The following HEPH variants were observed in gnomAD, a reference collection of about 807,000 sequenced individuals.
HEPH encodes hephaestin.
HEPH carries 69 observed loss-of-function variants against 80.8 expected under a neutral mutation model. The ratio of observed to expected loss-of-function variants is 0.85; its 90% CI spans 0.70 to 1.04. HEPH has a LOEUF of 1.04. Among genes scored for constraint, HEPH ranks in the 50% least tolerant of loss-of-function variants. The pLI is 0.00. For missense variants in HEPH, 1,115 were observed against 891.3 expected (o/e 1.25, Z -3.20); for synonymous variants, 431 against 322.8 (o/e 1.34, Z -3.60).
intron 15 of HEPH, among the ~76,000 whole-genome samples, chrX:66,245,022 C>A (rs2090748133): frequency 9.1e-6 from 1 of 110,450 alleles, no homozygotes; most frequent in Non-Finnish European, 1.9e-5. Context: ...AATAGGCCAA[C>A]TGAGGACCAA....
In HEPH at chrX:66,256,204, T is replaced by A. The variant is rs1025437887; in HGVS notation, c.2770T>A (p.Leu924Met). The A allele has an allele frequency of 3.3e-6, 4 of 1,209,741 alleles. No individual in the cohort carries two copies. The African/African-American group carries it at 7.0e-5, about 21-fold the overall frequency. ...TGACATGGATCGGGAATTTGCATTG[T>A]TGTTCTTGATTTTTGATGAAAATAA... ...RSDMDREFALLFLIFDENKSW... is the reference protein window; with the variant it reads ...RSDMDREFALMFLIFDENKSW... The change falls in exon 17 of 21, where the codon TTG (leucine) becomes ATG (methionine). Residue 924 changes from leucine to methionine, a missense_variant. By Grantham distance (15) the Leu-to-Met change is conservative. Coordinates refer to ENST00000343002, the MANE Select transcript of HEPH (RefSeq NM_001367233.3).
Position 66,170,565 on chromosome X carries a change from T to C in HEPH, c.-6T>C. On this transcript the variant is annotated 5_prime_UTR_variant, in exon 2 of 21. Transcript: ENST00000343002. ...TATTTGCCTGTTTCCCAGAGTAATGTGGGCCATGGAGTCAGGCCACCTCCT... is the reference window on the plus strand; with the variant it reads ...TATTTGCCTGTTTCCCAGAGTAATGCGGGCCATGGAGTCAGGCCACCTCCT... 1 of 1,207,610 alleles carries C rather than the reference T, an allele frequency of 8.3e-7. No homozygotes were observed. Among genetic ancestry groups the C allele is most frequent in the Non-Finnish European group, 1.1e-6 (1 of 892,915 alleles).
intron 15 of HEPH, among the ~76,000 whole-genome samples, chrX:66,232,372 G>T (rs1051748383): frequency 9.0e-6 from 1 of 111,616 alleles, no homozygotes. Flanking sequence ...CAATAATACT[G>T]CAGAAGGCAT....
intron 9 of HEPH, among the ~76,000 whole-genome samples, chrX:66,196,214 T>C: frequency 9.0e-6 from 1 of 111,484 alleles, no homozygotes; most frequent in East Asian, 2.8e-4. Context: ...AGATGCGTGC[T>C]AATATCATGA....
intron 15 of HEPH, among the ~76,000 whole-genome samples, chrX:66,231,851 G>T (rs1433842004): frequency 1.9e-5 from 2 of 107,985 alleles, no homozygotes; most frequent in South Asian, 8.2e-4. Context: ...TCCCTGTCTT[G>T]TGCCAGTTTT....
chrX:66,187,780 C>T (rs1305952534), intron 4 of HEPH, among the ~76,000 whole-genome samples: 4 of 111,520 alleles, frequency 3.6e-5, no homozygotes, highest in Non-Finnish European at 7.5e-5. Context: ...TCTGTCCATC[C>T]GAGTCTGAGC....
At chrX:66,207,589 A>G (rs7052942) in intron 14 of HEPH, among the ~76,000 whole-genome samples, 7,504 of 111,597 alleles carry the variant, frequency 0.067, 608 homozygotes, top group African/African-American at 0.23. Context: ...GGTAAGTTGT[A>G]ATAAATGCTA....
At chrX:66,243,739 G>A (rs1415499046) in intron 15 of HEPH, among the ~76,000 whole-genome samples, 1 of 112,657 alleles carries the variant, frequency 8.9e-6, no homozygotes, top group Non-Finnish European at 1.9e-5. Context: ...AGACTTGATT[G>A]TGTGCTTTCT....
intron 15 of HEPH, among the ~76,000 whole-genome samples, chrX:66,221,154 G>A (rs944996791): frequency 1.8e-5 from 2 of 111,451 alleles, no homozygotes; most frequent in Non-Finnish European, 3.8e-5. Flanking sequence ...AGGGCTTGTC[G>A]TCTTCTTCAG....
chrX:66,208,629 TAC>T (rs1223027285), intron 15 of HEPH, among the ~76,000 whole-genome samples: 6 of 40,262 alleles, frequency 1.5e-4, no homozygotes, highest in East Asian at 9.2e-4. Flanking sequence ...AATATATACA[TAC>T]ATATATATAT....
chrX:66,205,405 G>A (rs1218892376), intron 13 of HEPH, among the ~76,000 whole-genome samples: 1 of 111,509 alleles, frequency 9.0e-6, no homozygotes, highest in African/African-American at 3.3e-5. Flanking sequence ...GTACATCCAT[G>A]TTGCTGAAAA....
At chrX:66,229,768 C>CTT (rs200599195) in intron 15 of HEPH, among the ~76,000 whole-genome samples, 3 of 109,860 alleles carry the variant, frequency 2.7e-5, no homozygotes, top group African/African-American at 9.9e-5. Context: ...AAAATTTACT[C>CTT]TTTTTTTTTG....
chrX:66,174,388 G>A (rs1017973860), intron 4 of HEPH, among the ~76,000 whole-genome samples: 5 of 111,600 alleles, frequency 4.5e-5, no homozygotes, highest in African/African-American at 9.8e-5. Flanking sequence ...TATGTACCAC[G>A]GTTTCTTGAT....
At chrX:66,255,983 A>T (rs1602549060) in intron 16 of HEPH, 122 bp from the exon 17 acceptor site, 10 of 465,291 alleles carry the variant, frequency 2.1e-5, no homozygotes, top group Admixed American at 4.0e-5. Flanking sequence ...TAAATGTAAG[A>T]TATCATGAGG....
chrX:66,217,340 A>C (rs1020984124), intron 15 of HEPH, among the ~76,000 whole-genome samples: 7 of 111,999 alleles, frequency 6.3e-5, no homozygotes, highest in African/African-American at 2.3e-4. Context: ...ATTTCTCAGC[A>C]GAAACCCTAC....
intron 15 of HEPH, among the ~76,000 whole-genome samples, chrX:66,224,183 A>T (rs2089779297): frequency 9.0e-6 from 1 of 110,716 alleles, no homozygotes; most frequent in African/African-American, 3.3e-5. Context: ...ATTAGAAATT[A>T]CTATAATATA....
At position 66,266,845 on chromosome X, in the gene HEPH, G is replaced by T. The variant is rs917175221; in HGVS notation, c.*173G>T. On this transcript the variant is annotated 3_prime_UTR_variant, in exon 21 of 21. Coordinates refer to ENST00000343002, the MANE Select transcript of HEPH (RefSeq NM_001367233.3). ...TATTTATTTTACATGGAAATAATATGATTTCACTTTTTCTTTAGTTTCTTT... is the reference window on the plus strand; with the variant it reads ...TATTTATTTTACATGGAAATAATATTATTTCACTTTTTCTTTAGTTTCTTT... 4.7e-6 allele frequency: 2 copies of T among 421,520 alleles called. No homozygotes were observed. The highest frequency in any genetic ancestry group is 4.4e-5 in the Admixed American group (1 of 22,753). 34.7% of individuals were successfully genotyped at this position (421,520 alleles called of 1,213,427 possible).
At chrX:66,180,947 A>G (rs1348994205) in intron 4 of HEPH, among the ~76,000 whole-genome samples, 10 of 99,996 alleles carry the variant, frequency 1.0e-4, no homozygotes, top group African/African-American at 3.3e-4. Context: ...AATATGCGGT[A>G]TTTGGTTTTT....
chrX:66,245,510 G>T (rs952495317), intron 15 of HEPH, among the ~76,000 whole-genome samples: 10 of 111,356 alleles, frequency 9.0e-5, no homozygotes, highest in African/African-American at 3.3e-4. Context: ...AAGAGACTTA[G>T]ATACCCACAC....
Sources: gnomAD v4.1 joint callset for allele counts (sites outside exome capture counted in the v4.1 genomes callset) on GRCh38, gnomAD v4.1.1 for gene constraint, MANE v1.5 for transcripts, NCBI Gene and HGNC (gene_info 2026-07-23, HGNC 2026-07-21) for gene names.